CTNND2: variants seen among roughly 807,000 people sequenced by gnomAD.
CTNND2 encodes catenin delta-2.
A neutral mutation model predicts 144.4 loss-of-function variants in CTNND2; 22 were observed. The observed-to-expected ratio is 0.15, with a 90% CI of 0.11 to 0.22. The LOEUF (loss-of-function observed/expected upper bound fraction) is 0.22, where lower values mean the gene tolerates loss of function less well. Ranked by LOEUF, CTNND2 falls within the 10% of genes least tolerant of loss-of-function variation. CTNND2 has a pLI of 1.00. For synonymous variants in CTNND2, 751 were observed against 695.6 expected, an observed-to-expected ratio of 1.08 and a Z score of -1.25; for missense variants, 1,353 against 1,618.8, an observed-to-expected ratio of 0.84 and a Z score of 2.82.
intron 1 of CTNND2, among the ~76,000 whole-genome samples, chr5:11,792,315 A>G (rs531816235): frequency 6.6e-6 from 1 of 152,058 alleles, no homozygotes; most frequent in East Asian, 1.9e-4. Context: ...ACACATATAT[A>G]TTTTAAAAAC....
At chr5:11,183,634 T>C (rs1735332500) in intron 11 of CTNND2, among the ~76,000 whole-genome samples, 1 of 151,610 alleles carries the variant, frequency 6.6e-6, no homozygotes, top group African/African-American at 2.4e-5. Context: ...CTCAGCTCAC[T>C]GCAACCTCCG....
intron 10 of CTNND2, among the ~76,000 whole-genome samples, chr5:11,230,839 C>G (rs919064664): frequency 6.6e-6 from 1 of 152,144 alleles, no homozygotes; most frequent in Non-Finnish European, 1.5e-5. Context: ...AATGTCCTAC[C>G]CTGGATCAGA....
At chr5:11,624,309 C>A (rs1781035769) in intron 2 of CTNND2, among the ~76,000 whole-genome samples, 1 of 152,088 alleles carries the variant, frequency 6.6e-6, no homozygotes, top group Non-Finnish European at 1.5e-5. Context: ...CACATAAGAA[C>A]TCTCAGGTCA....
At chr5:11,477,344 C>G (rs376101726) in intron 3 of CTNND2, among the ~76,000 whole-genome samples, 22 of 151,080 alleles carry the variant, frequency 1.5e-4, no homozygotes, top group African/African-American at 5.1e-4. Context: ...TAGGGAGACT[C>G]AACCCAAGGA....
intron 18 of CTNND2, 51 bp downstream of exon 18, chr5:11,017,923 G>A: frequency 7.0e-7 from 1 of 1,435,126 alleles, no homozygotes; most frequent in Non-Finnish European, 9.8e-7. Flanking sequence ...ACGCCTCTCA[G>A]GGTCCCGTGT....
At chr5:11,061,378 A>T (rs1746960152) in intron 16 of CTNND2, among the ~76,000 whole-genome samples, 1 of 152,226 alleles carries the variant, frequency 6.6e-6, no homozygotes, top group African/African-American at 2.4e-5. Context: ...CAAAACTCTC[A>T]GAGAAAAATC....
chr5:11,448,433 G>T (rs778560804), intron 3 of CTNND2, among the ~76,000 whole-genome samples: 1 of 152,208 alleles, frequency 6.6e-6, no homozygotes, highest in Non-Finnish European at 1.5e-5. Context: ...AAACGACAGA[G>T]TATTATCATG....
At chr5:11,891,337 A>T (rs1379623735) in intron 1 of CTNND2, among the ~76,000 whole-genome samples, 2 of 152,228 alleles carry the variant, frequency 1.3e-5, no homozygotes, top group Non-Finnish European at 2.9e-5. Flanking sequence ...ATTATCATTC[A>T]TTTAGGGAGT....
chr5:11,006,839 G>A (rs1287665408), intron 18 of CTNND2, among the ~76,000 whole-genome samples: 1 of 152,168 alleles, frequency 6.6e-6, no homozygotes, highest in Non-Finnish European at 1.5e-5. Context: ...ATAGAAGCAC[G>A]AAGAGCATAT....
intron 14 of CTNND2, among the ~76,000 whole-genome samples, chr5:11,103,085 A>AAGTG: frequency 6.9e-6 from 1 of 145,306 alleles, no homozygotes; most frequent in East Asian, 2.1e-4. Context: ...GGGTTGGAGC[A>AAGTG]ATTCTCCTGC....
At chr5:11,330,068 C>T (rs115841754) in intron 9 of CTNND2, among the ~76,000 whole-genome samples, 175 of 152,250 alleles carry the variant, frequency 1.1e-3, no homozygotes, top group African/African-American at 4.0e-3. Flanking sequence ...ATGATACACA[C>T]ATCACATGTG....
intron 11 of CTNND2, 102 bp downstream of exon 11, chr5:11,199,346 T>C (rs1444343681): frequency 1.9e-6 from 2 of 1,064,634 alleles, no homozygotes; most frequent in African/African-American, 3.2e-5. Flanking sequence ...CCTATGTTAT[T>C]AGAACACCAC....
chr5:11,533,414 C>G (rs1408622563), intron 3 of CTNND2, among the ~76,000 whole-genome samples: 1 of 152,150 alleles, frequency 6.6e-6, no homozygotes, highest in African/African-American at 2.4e-5. Context: ...ACAGATGCCC[C>G]AGAAGAAAAT....
chr5:11,456,146 C>T (rs1438060991), intron 3 of CTNND2, among the ~76,000 whole-genome samples: 2 of 152,174 alleles, frequency 1.3e-5, no homozygotes, highest in African/African-American at 2.4e-5. Context: ...ATATTACCAT[C>T]ACTTATTTAT....
chr5:11,688,648 A>T (rs1332867972), intron 2 of CTNND2, among the ~76,000 whole-genome samples: 1 of 152,208 alleles, frequency 6.6e-6, no homozygotes, highest in African/African-American at 2.4e-5. Flanking sequence ...AAATAAGGAA[A>T]CTGAAGCCCA....
intron 15 of CTNND2, among the ~76,000 whole-genome samples, chr5:11,090,362 T>G (rs1440867412): frequency 6.6e-6 from 1 of 152,246 alleles, no homozygotes; most frequent in Non-Finnish European, 1.5e-5. Flanking sequence ...GTGCAATTGG[T>G]GGACTAGGAC....
chr5:11,114,141 A>G (rs2149689522), intron 13 of CTNND2, among the ~76,000 whole-genome samples: 1 of 152,376 alleles, frequency 6.6e-6, no homozygotes, highest in South Asian at 2.1e-4. Flanking sequence ...TTATGGCATA[A>G]GTCAGAATGA....
chr5:11,034,474 A>G (rs1332432995), intron 16 of CTNND2, among the ~76,000 whole-genome samples: 1 of 152,216 alleles, frequency 6.6e-6, no homozygotes, highest in African/African-American at 2.4e-5. Flanking sequence ...AACACTGTCC[A>G]CTAAACACAT....
chr5:10,986,787 C>T (rs547024978), intron 20 of CTNND2: 19 of 414,736 alleles, frequency 4.6e-5, no homozygotes, highest in East Asian at 1.5e-4. Flanking sequence ...GTTTTCTTTA[C>T]GCAGCTGAGC....
Sources: gnomAD v4.1 joint callset for allele counts (sites outside exome capture counted in the v4.1 genomes callset) on GRCh38, gnomAD v4.1.1 for gene constraint, MANE v1.5 for transcripts, NCBI Gene and HGNC (gene_info 2026-07-23, HGNC 2026-07-21) for gene names.